Variants in RBM14 observed in about 807,000 individuals in gnomAD.
The protein encoded by RBM14 is RNA binding motif protein 14.
Under a neutral mutation model 52.8 loss-of-function variants are expected in RBM14, and 5 were observed. That is an observed-to-expected ratio of 0.09 (90% confidence interval 0.05 to 0.20). The LOEUF is 0.20. RBM14 is among the 10% of genes least tolerant of loss of function. The pLI, the probability that RBM14 is intolerant of heterozygous loss-of-function variation, is 1.00. For missense variants in RBM14, 780 were observed against 926.6 expected, an observed-to-expected ratio of 0.84 and a Z score of 2.05; for synonymous variants, 411 against 401.8, an observed-to-expected ratio of 1.02 and a Z score of -0.28.
In RBM14 at chr11:66,625,392, G is replaced by T. The variant is rs146500739; in HGVS notation, c.1516G>T (p.Ala506Ser). Reference sequence around the variant, plus strand: ...CTATGGTGCCGCAGCAGCCTACGGGGCCCAACCTTCTGCCACCCTGGCAGC... The same window carrying T: ...CTATGGTGCCGCAGCAGCCTACGGGTCCCAACCTTCTGCCACCCTGGCAGC... ...GSYGAAAAYGAQPSATLAAPY... is the reference protein window; with the variant it reads ...GSYGAAAAYGSQPSATLAAPY... Residue 506 changes from alanine (A) to serine (S), a missense_variant, in exon 2 of 3, where the codon GCC becomes TCC. By Grantham distance (99) the Ala-to-Ser change is moderately conservative. Coordinates refer to ENST00000310137, the MANE Select transcript of RBM14 (RefSeq NM_006328.4). The surrounding 1 kb of genome is among the most constrained non-coding windows in gnomAD (Gnocchi z 4.2). The T allele has an allele frequency of 1.9e-5, 31 of 1,613,332 alleles. No individual in the cohort carries two copies. The African/African-American group carries it at 3.2e-4, about 17-fold the overall frequency.
In RBM14 at chr11:66,625,391, G is replaced by A; in HGVS notation, c.1515G>A (p.Gly505=). 1.2e-6 allele frequency: 2 copies of A among 1,613,456 alleles called. No homozygotes were observed. The highest frequency in any genetic ancestry group is 1.7e-6 in the Non-Finnish European group (2 of 1,179,930). Residue 505 remains glycine (G), a synonymous_variant, in exon 2 of 3, where the codon GGG becomes GGA. Transcript: ENST00000310137. This position sits in a 1 kb window ranked among gnomAD's most constrained non-coding sequence, Gnocchi z 4.2. The part of the protein sequence containing the change: ...TGSYGAAAAY[G]AQPSATLAAP... ...CCTATGGTGCCGCAGCAGCCTACGG[G>A]GCCCAACCTTCTGCCACCCTGGCAG...
chr11:66,617,303 G>T (rs1008528317), intron 1 of RBM14: 8 of 1,337,720 alleles, frequency 6.0e-6, no homozygotes, highest in Non-Finnish European at 6.7e-6. Flanking sequence ...CAAGCTACGG[G>T]GCCGGGGACG....
Position 66,625,293 on chromosome 11 carries a change from AGTTACGGGGCCCAAGCATCAATGG to A in RBM14, c.1419_1442del (p.Tyr474_Gly481del). 6.2e-7 allele frequency: 1 copy of A among 1,612,138 alleles called. No individual in the cohort carries two copies. The highest frequency in any genetic ancestry group is 8.5e-7 in the Non-Finnish European group (1 of 1,179,388). On this transcript the variant is annotated inframe_deletion, in exon 2 of 3. Transcript: ENST00000310137. This position sits in a 1 kb window ranked among gnomAD's most constrained non-coding sequence, Gnocchi z 4.2. Reference sequence around the variant, plus strand: ...GCCGGTTGTGCAGACCCAGCTGAATAGTTACGGGGCCCAAGCATCAATGGGCCTTTCAGGCTCCTATGGGGCTCA... The same window carrying A: ...GCCGGTTGTGCAGACCCAGCTGAATAGCCTTTCAGGCTCCTATGGGGCTCA...
rs558911876 is a variant in RBM14, at chr11:66,618,020, C to T, written c.337+963C>T. On this transcript the variant is annotated intron_variant, in intron 1 of 2. Coordinates refer to ENST00000310137, the MANE Select transcript of RBM14 (RefSeq NM_006328.4). ...GAGTAGTCTGATTCTCAGGGCAGATCCCGGTGCCTTTTCTTCGAGAAAAAT... is the reference window on the plus strand; with the variant it reads ...GAGTAGTCTGATTCTCAGGGCAGATTCCGGTGCCTTTTCTTCGAGAAAAAT... Among the ~76,000 whole-genome samples the T allele has an allele frequency of 2.2e-4, 34 of 152,276 alleles. No individual in the cohort carries two copies. The South Asian group carries it at 6.8e-3, about 31-fold the overall frequency.
Position 66,629,078 on chromosome 11 carries a change from T to C in RBM14, c.*2410T>C, listed in dbSNP as rs1477422575. Among the ~76,000 whole-genome samples, 1 of 152,234 alleles carries C rather than the reference T, an allele frequency of 6.6e-6. No homozygotes were observed. Among genetic ancestry groups the C allele is most frequent in the Non-Finnish European group, 1.5e-5 (1 of 68,040 alleles). On this transcript the variant is annotated 3_prime_UTR_variant, in exon 3 of 3. Transcript: ENST00000310137. ...TGTCATTTTTCTCTGGCAGATTGTTTTAAAATCTCCCTCCCCTCTTTTATT... is the reference window on the plus strand; with the variant it reads ...TGTCATTTTTCTCTGGCAGATTGTTCTAAAATCTCCCTCCCCTCTTTTATT...
intron 1 of RBM14, chr11:66,620,976 G>C (rs1859079328): frequency 6.6e-6 from 1 of 151,770 alleles, no homozygotes; most frequent in African/African-American, 2.4e-5. Flanking sequence ...TCAGCCTCTG[G>C]TTTTATTTTT....
rs1455337644 is a variant in RBM14 at position 66,625,069 on chromosome 11, A to G, written c.1193A>G (p.Gln398Arg). 6.2e-7 allele frequency: 1 copy of G among 1,613,270 alleles called. No individual in the cohort carries two copies. Among genetic ancestry groups the G allele is most frequent in the East Asian group, 2.2e-5 (1 of 44,812 alleles). ...SAASSLAYGAQAASYNAQPSA... is the reference protein window; with the variant it reads ...SAASSLAYGARAASYNAQPSA... ...GCCTCCTCACTAGCTTATGGAGCCC[A>G]GGCAGCTTCATATAATGCCCAGCCC... Residue 398 changes from glutamine to arginine, a missense_variant, in exon 2 of 3, where the codon CAG (glutamine) becomes CGG (arginine). Physicochemically the swap from Gln to Arg is conservative, Grantham distance 43. This residue lies in a region of RBM14 where 675 missense variants were observed against 697.3 expected (regional missense o/e 0.97). Transcript: ENST00000310137. The surrounding 1 kb of genome is among the most constrained non-coding windows in gnomAD (Gnocchi z 4.2).
intron 1 of RBM14, among the ~76,000 whole-genome samples, chr11:66,622,086 T>C (rs1859138920): frequency 6.6e-6 from 1 of 151,954 alleles, no homozygotes; most frequent in Non-Finnish European, 1.5e-5. Flanking sequence ...CTGGTAATTT[T>C]TGTATTTTTA....
chr11:66,620,908 C>T (rs1859076159), intron 1 of RBM14: 1 of 152,098 alleles, frequency 6.6e-6, no homozygotes, highest in Non-Finnish European at 1.5e-5. Flanking sequence ...GCTTCCCCTT[C>T]ACTTTGGGCC....
intron 1 of RBM14, among the ~76,000 whole-genome samples, chr11:66,619,787 C>A (rs978670266): frequency 6.6e-6 from 1 of 152,090 alleles, no homozygotes; most frequent in Non-Finnish European, 1.5e-5. Context: ...AGGATGGTCT[C>A]GATCTCCTGA....
In RBM14 at chr11:66,624,355, A is replaced by G. The variant is rs752922129; in HGVS notation, c.479A>G (p.Gln160Arg). Residue 160 changes from glutamine (Q) to arginine (R), a missense_variant, in exon 2 of 3, where the codon CAG (glutamine) becomes CGG (arginine). This residue lies in a region of RBM14 where 675 missense variants were observed against 697.3 expected (regional missense o/e 0.97). Transcript: ENST00000310137. This position sits in a 1 kb window ranked among gnomAD's most constrained non-coding sequence, Gnocchi z 4.7. Reference sequence around the variant, plus strand: ...AAGAAGGGGCCTGGCCTGGCTGTCCAGTCTGGGGACAAGACCAAGAAACCA... The same window carrying G: ...AAGAAGGGGCCTGGCCTGGCTGTCCGGTCTGGGGACAAGACCAAGAAACCA... ...GQKKGPGLAV[Q>R]SGDKTKKPGA... The G allele has an allele frequency of 3.1e-6, 5 of 1,614,146 alleles. No individual in the cohort carries two copies. Among genetic ancestry groups the G allele is most frequent in the Admixed American group, 3.3e-5 (2 of 60,014 alleles).
In RBM14 at chr11:66,627,847, T is replaced by A. The variant is rs892768041; in HGVS notation, c.*1179T>A. 2.0e-5 allele frequency among the ~76,000 whole-genome samples: 3 copies of A among 152,138 alleles called. No homozygotes were observed. The highest frequency in any genetic ancestry group is 4.4e-5 in the Non-Finnish European group (3 of 68,014). ...TGGGGGTAATGGCGTTGCCTGATAC[T>A]GCCCTATGGTTGGAATAAGGAAGGG... On this transcript the variant is annotated 3_prime_UTR_variant, in exon 3 of 3. Transcript: ENST00000310137.
intron 1 of RBM14, among the ~76,000 whole-genome samples, chr11:66,622,859 T>G (rs1001957114): frequency 6.6e-6 from 1 of 152,200 alleles, no homozygotes; most frequent in Non-Finnish European, 1.5e-5. Flanking sequence ...ACAGATAGCA[T>G]CCTGGTACTT....
Position 66,627,697 on chromosome 11 carries a change from C to T in RBM14, c.*1029C>T, listed in dbSNP as rs148431584. ...TAACCTGTGTTCCAATGGGATGGTTCTGGGGTTTGGCCTCTTAGGAAGTGG... is the reference window on the plus strand; with the variant it reads ...TAACCTGTGTTCCAATGGGATGGTTTTGGGGTTTGGCCTCTTAGGAAGTGG... On this transcript the variant is annotated 3_prime_UTR_variant, in exon 3 of 3. Coordinates refer to ENST00000310137, the MANE Select transcript of RBM14 (RefSeq NM_006328.4). Among the ~76,000 whole-genome samples, 19 of 152,278 alleles carry T rather than the reference C, an allele frequency of 1.2e-4. No individual in the cohort carries two copies. In the East Asian group the frequency reaches 1.9e-3, roughly 15 times the overall value.
At chr11:66,618,030 TTTC>T (rs963015998) in intron 1 of RBM14, among the ~76,000 whole-genome samples, 21 of 152,142 alleles carry the variant, frequency 1.4e-4, no homozygotes, top group Admixed American at 2.0e-4. Context: ...CCCGGTGCCT[TTTC>T]TTCGAGAAAA....
chr11:66,619,454 T>C (rs1399050236), intron 1 of RBM14: 1 of 152,244 alleles, frequency 6.6e-6, no homozygotes, highest in Non-Finnish European at 1.5e-5. Flanking sequence ...ATGTACAGAC[T>C]TGTGGGGAGA....
chr11:66,625,000 GCTCCTACGGGGCTCAGGCAGC>G lies in RBM14; in HGVS notation c.1131_1151del (p.Ala381_Gln387del), dbSNP rs779592780. ...ACCCAGGGAGCAGCTTCCTCCTTAGGCTCCTACGGGGCTCAGGCAGCCTCCTATGGGGCCCAGTCTGCAGCC... is the reference window on the plus strand; with the variant it reads ...ACCCAGGGAGCAGCTTCCTCCTTAGGCTCCTATGGGGCCCAGTCTGCAGCC... On this transcript the variant is annotated inframe_deletion, in exon 2 of 3. Transcript: ENST00000310137. This position sits in a 1 kb window ranked among gnomAD's most constrained non-coding sequence, Gnocchi z 4.7. 108 of 1,613,474 alleles carry G rather than the reference GCTCCTACGGGGCTCAGGCAGC, an allele frequency of 6.7e-5. No individual in the cohort carries two copies. The highest frequency in any genetic ancestry group is 8.9e-5 in the Non-Finnish European group (105 of 1,179,856).
chr11:66,626,517 C>G lies in RBM14; in HGVS notation c.1859C>G (p.Ser620Trp). The G allele has an allele frequency of 6.2e-7, 1 of 1,613,970 alleles. No homozygotes were observed. Among genetic ancestry groups the G allele is most frequent in the Non-Finnish European group, 8.5e-7 (1 of 1,180,026 alleles). Residue 620 changes from serine to tryptophan, a missense_variant, in exon 3 of 3, where the codon TCG becomes TGG. Physicochemically the swap from Ser to Trp is radical, Grantham distance 177. Coordinates refer to ENST00000310137, the MANE Select transcript of RBM14 (RefSeq NM_006328.4). ...TCTGATTACCGCCGTTTATCAGAGT[C>G]GCAGCTTTCGTTCCGCCGCTCGCCG... ...ELSDYRRLSE[S>W]QLSFRRSPTK...
At chr11:66,617,081 G>A (rs1419666336) in intron 1 of RBM14, 24 bp downstream of exon 1, 6 of 1,553,268 alleles carry the variant, frequency 3.9e-6, no homozygotes, top group African/African-American at 2.7e-5. Flanking sequence ...GCGCTCGGGG[G>A]CGGGGGCGCG....
Sources: gnomAD v4.1 joint callset for allele counts (sites outside exome capture counted in the v4.1 genomes callset) on GRCh38, gnomAD v4.1.1 for gene constraint, gnomAD v4.1.1 regional missense constraint, Gnocchi (gnomAD v3.1) non-coding constraint, MANE v1.5 for transcripts, NCBI Gene and HGNC (gene_info 2026-07-23, HGNC 2026-07-21) for gene names.